INPP4A: variants seen among roughly 807,000 people sequenced by gnomAD.
INPP4A encodes the protein inositol polyphosphate-4-phosphatase, type I, 107kD.
In INPP4A, 33 loss-of-function variants were observed where a neutral mutation model predicts 119.8. The observed-to-expected ratio is 0.28, with a 90% CI of 0.21 to 0.37. The LOEUF is 0.37. Among genes scored for constraint, INPP4A ranks in the 10% least tolerant of loss-of-function variants. INPP4A has a pLI of 1.00. For synonymous variants in INPP4A, 496 were observed against 500.7 expected, an observed-to-expected ratio of 0.99 and a Z score of 0.12; for missense variants, 956 against 1,289.9, an observed-to-expected ratio of 0.74 and a Z score of 3.97.
At chr2:98,513,161 C>T (rs377187785) in intron 1 of INPP4A, among the ~76,000 whole-genome samples, 1 of 151,998 alleles carries the variant, frequency 6.6e-6, no homozygotes, top group African/African-American at 2.4e-5. Context: ...ACTGCTGTAT[C>T]GTAGGCCCAA....
chr2:98,509,815 A>C (rs1684792697), intron 1 of INPP4A, among the ~76,000 whole-genome samples: 1 of 152,208 alleles, frequency 6.6e-6, no homozygotes, highest in South Asian at 2.1e-4. Context: ...TTCTTACAGA[A>C]AATCCCCTGA....
chr2:98,506,506 C>A (rs1456497548), intron 1 of INPP4A, among the ~76,000 whole-genome samples: 1 of 152,242 alleles, frequency 6.6e-6, no homozygotes, highest in African/African-American at 2.4e-5. Flanking sequence ...ACTTATATTT[C>A]TTCCCCCTTG....
intron 24 of INPP4A, among the ~76,000 whole-genome samples, chr2:98,577,706 C>G (rs1698661275): frequency 6.6e-6 from 1 of 152,192 alleles, no homozygotes; most frequent in African/African-American, 2.4e-5. Flanking sequence ...CGACCTCACC[C>G]TAATGATGTT....
chr2:98,539,017 T>C (rs753237174), intron 9 of INPP4A, 36 bp downstream of exon 9: 11 of 1,326,248 alleles, frequency 8.3e-6, no homozygotes, highest in Non-Finnish European at 1.2e-5. Context: ...CTTGCCTCTC[T>C]AGTGAGTATC....
intron 1 of INPP4A, among the ~76,000 whole-genome samples, chr2:98,511,394 C>T (rs1270578777): frequency 6.6e-5 from 10 of 152,132 alleles, no homozygotes; most frequent in African/African-American, 2.2e-4. Flanking sequence ...GCCCTAGCAG[C>T]GTTGGATGGA....
rs1697166792 is a variant in INPP4A at position 98,570,000 on chromosome 2, G to A, written c.2518+1332G>A. The stretch of plus-strand genomic sequence containing the variant: ...GAGGCGTTAGGGGGGTTTGGGCTGA[G>A]GATGCACTCCTCAGCGGCCACGTGC... On this transcript the variant is annotated intron_variant, in intron 22 of 24. Coordinates refer to ENST00000409851, the MANE Select transcript of INPP4A (RefSeq NM_001134225.2). The surrounding 1 kb of genome is among the most constrained non-coding windows in gnomAD (Gnocchi z 5.1). 6.6e-6 allele frequency among the ~76,000 whole-genome samples: 1 copy of A among 152,198 alleles called. No individual in the cohort carries two copies. Among genetic ancestry groups the A allele is most frequent in the Non-Finnish European group, 1.5e-5 (1 of 68,034 alleles).
At chr2:98,538,206 C>T (rs1690697937) in intron 8 of INPP4A, among the ~76,000 whole-genome samples, 1 of 152,216 alleles carries the variant, frequency 6.6e-6, no homozygotes, top group Admixed American at 6.5e-5. Flanking sequence ...GGGTGCCACA[C>T]TGGCCAATTC....
intron 1 of INPP4A, among the ~76,000 whole-genome samples, chr2:98,464,059 G>T (rs1242580085): frequency 6.6e-6 from 1 of 152,216 alleles, no homozygotes; most frequent in Non-Finnish European, 1.5e-5. Context: ...AAGTGAATAG[G>T]CTTCTTCTTT....
At chr2:98,482,021 C>A (rs369573205) in intron 1 of INPP4A, among the ~76,000 whole-genome samples, 20 of 152,202 alleles carry the variant, frequency 1.3e-4, no homozygotes, top group African/African-American at 4.8e-4. Context: ...CACCTGTAAT[C>A]CCAGTTTTTT....
intron 1 of INPP4A, among the ~76,000 whole-genome samples, chr2:98,515,223 G>A (rs2105629878): frequency 6.6e-6 from 1 of 152,346 alleles, no homozygotes; most frequent in South Asian, 2.1e-4. Flanking sequence ...GATTTTAGCT[G>A]TCTTGGATTT....
chr2:98,554,871 G>A lies in INPP4A; in HGVS notation c.1566+382G>A, dbSNP rs1273693959. On this transcript the variant is annotated intron_variant, in intron 15 of 24. Coordinates refer to ENST00000409851, the MANE Select transcript of INPP4A (RefSeq NM_001134225.2). This position sits in a 1 kb window ranked among gnomAD's most constrained non-coding sequence, Gnocchi z 4.7. Reference sequence around the variant, plus strand: ...GATTTTCCAGGGCTATGTGTATTTGGGGACGTGGGAGCTCTGGTGCTGGGG... The same window carrying A: ...GATTTTCCAGGGCTATGTGTATTTGAGGACGTGGGAGCTCTGGTGCTGGGG... Among the ~76,000 whole-genome samples, 1 of 152,172 alleles carries A rather than the reference G, an allele frequency of 6.6e-6. No individual in the cohort carries two copies. The highest frequency in any genetic ancestry group is 1.5e-5 in the Non-Finnish European group (1 of 68,034).
intron 1 of INPP4A, among the ~76,000 whole-genome samples, chr2:98,500,461 G>A (rs981305357): frequency 2.0e-5 from 3 of 152,168 alleles, no homozygotes; most frequent in African/African-American, 7.2e-5. Flanking sequence ...AAGTCATTCA[G>A]TGATACTTGT....
intron 13 of INPP4A, among the ~76,000 whole-genome samples, chr2:98,551,803 C>T (rs771441634): frequency 2.6e-5 from 4 of 152,210 alleles, no homozygotes; most frequent in Non-Finnish European, 5.9e-5. Flanking sequence ...TAGGAGGAGA[C>T]CTCTGCATTG....
intron 1 of INPP4A, among the ~76,000 whole-genome samples, chr2:98,502,648 C>G (rs1313182908): frequency 6.6e-6 from 1 of 152,122 alleles, no homozygotes; most frequent in Non-Finnish European, 1.5e-5. Context: ...CTTATTTTCA[C>G]ATTGATATTC....
intron 6 of INPP4A, 81 bp from the exon 7 acceptor site, chr2:98,536,048 C>T: frequency 1.1e-6 from 1 of 884,254 alleles, no homozygotes. Context: ...AAGCAGTCAG[C>T]TGGACTCTCT....
In INPP4A at chr2:98,565,891, C is replaced by G. The variant is rs182645005; in HGVS notation, c.2279+125C>G. ...TGTTAAATGCTCTGATTACAGCCCC[C>G]TAGGTTAGTGCCACTCCCTTAAAGG... On this transcript the variant is annotated intron_variant, in intron 20 of 24. Coordinates refer to ENST00000409851, the MANE Select transcript of INPP4A (RefSeq NM_001134225.2). 308 of 1,506,032 alleles carry G rather than the reference C, an allele frequency of 2.0e-4. 2 individuals carry two copies. In the East Asian group the frequency reaches 7.0e-3, roughly 34 times the overall value. 93.3% of individuals were successfully genotyped at this position (1,506,032 alleles called of 1,614,324 possible).
At chr2:98,444,664 G>A (rs1693845819), upstream of INPP4A, among the ~76,000 whole-genome samples, 1 of 152,254 alleles carries the variant, frequency 6.6e-6, no homozygotes, top group Non-Finnish European at 1.5e-5. Context: ...AGGTGAAGCA[G>A]TCACAGGATA....
At chr2:98,472,164 C>A (rs1478786867) in intron 1 of INPP4A, among the ~76,000 whole-genome samples, 2 of 152,162 alleles carry the variant, frequency 1.3e-5, no homozygotes, top group Non-Finnish European at 1.5e-5. Flanking sequence ...GTATGGTCCA[C>A]ATGGGTGGAG....
intron 1 of INPP4A, among the ~76,000 whole-genome samples, chr2:98,505,564 A>G (rs1683887937): frequency 2.0e-5 from 3 of 152,134 alleles, no homozygotes; most frequent in South Asian, 2.1e-4. Flanking sequence ...CTGTTTCTCA[A>G]AACAGCTTGC....
Sources: allele counts gnomAD v4.1 joint callset (sites outside exome capture counted in the v4.1 genomes callset), GRCh38; gene constraint gnomAD v4.1.1; non-coding constraint Gnocchi (gnomAD v3.1); transcripts MANE v1.5; gene names NCBI Gene and HGNC (gene_info 2026-07-23, HGNC 2026-07-21).